The following YY1AP1 variants were observed in gnomAD, a reference collection of about 807,000 sequenced individuals.
YY1AP1 encodes YY1 associated protein 1, also known as YY1-associated protein 1.
Under a neutral mutation model 39.9 loss-of-function variants are expected in YY1AP1, and 43 were observed. That is an observed-to-expected ratio of 1.08 (90% CI 0.84 to 1.39). YY1AP1 has a LOEUF of 1.39. Ranked by LOEUF, YY1AP1 falls within the 40% of genes most tolerant of loss-of-function variation. The probability of loss-of-function intolerance (pLI) is 0.00; values close to 1 mark genes in which losing one functional copy is unlikely to be tolerated. For synonymous variants in YY1AP1, 292 were observed against 331.3 expected (o/e 0.88, Z 1.29); for missense variants, 813 against 900.7 (o/e 0.90, Z 1.25).
intron 5 of YY1AP1, 138 bp downstream of exon 5, chr1:155,676,410 G>C (rs904563934): frequency 9.8e-7 from 1 of 1,015,822 alleles, no homozygotes; most frequent in Non-Finnish European, 1.5e-6. Flanking sequence ...CCTAACTGAT[G>C]TGAAGATACT....
intron 2 of YY1AP1, among the ~76,000 whole-genome samples, chr1:155,682,872 G>A (rs1651718633): frequency 6.6e-6 from 1 of 151,594 alleles, no homozygotes; most frequent in Admixed American, 6.6e-5. Flanking sequence ...GATCACCTGA[G>A]GTCAGGAGTT....
intron 9 of YY1AP1, among the ~76,000 whole-genome samples, chr1:155,667,302 A>C (rs935711272): frequency 5.3e-5 from 8 of 152,076 alleles, no homozygotes; most frequent in African/African-American, 1.9e-4. Flanking sequence ...TCAGGACTTC[A>C]AGACCAGCCT....
At chr1:155,661,504 T>C in intron 9 of YY1AP1, 81 bp from the exon 10 acceptor site, 1 of 1,531,890 alleles carries the variant, frequency 6.5e-7, no homozygotes, top group East Asian at 2.3e-5. Flanking sequence ...GGGGTGGTGG[T>C]GGATCAAGAG....
At chr1:155,688,352 G>C in intron 1 of YY1AP1, 151 bp from the exon 2 acceptor site, 7 of 1,548,374 alleles carry the variant, frequency 4.5e-6, no homozygotes, top group Non-Finnish European at 6.1e-6. Context: ...GAGTGGCCGC[G>C]GCAGCTCCTC....
Position 155,672,608 on chromosome 1 carries a change from T to A in YY1AP1, c.535A>T (p.Thr179Ser), listed in dbSNP as rs1398347485. The part of the protein sequence containing the change: ...GAMQLIEDFS[T>S]HVSIDCSPHK... Reference sequence around the variant, plus strand: ...GGGCTGCAGTCAATGCTGACATGTGTGCTGAAGTCTTCAATCAGCTGCATA... The same window carrying A: ...GGGCTGCAGTCAATGCTGACATGTGAGCTGAAGTCTTCAATCAGCTGCATA... The change falls in exon 7 of 11, where the codon ACA becomes TCA. Residue 179 changes from threonine to serine, a missense_variant. Coordinates refer to ENST00000355499, the MANE Select transcript of YY1AP1 (RefSeq NM_139119.3). The A allele has an allele frequency of 6.2e-7, 1 of 1,613,164 alleles. No individual in the cohort carries two copies. The highest frequency in any genetic ancestry group is 8.5e-7 in the Non-Finnish European group (1 of 1,179,304).
upstream of YY1AP1, chr1:155,688,961 T>TCGC (rs1388704331): frequency 1.9e-6 from 3 of 1,610,780 alleles, no homozygotes; most frequent in Non-Finnish European, 2.5e-6. Flanking sequence ...GCGCTGCGGC[T>TCGC]CGCCTCCTCC....
chr1:155,675,041 T>G lies in YY1AP1; in HGVS notation c.380A>C (p.Asn127Thr). 2 of 1,613,666 alleles carry G rather than the reference T, an allele frequency of 1.2e-6. No homozygotes were observed. The highest frequency in any genetic ancestry group is 1.7e-6 in the Non-Finnish European group (2 of 1,179,742). ...TATCCTGGTGCTACTGGCCTCCGGA[T>G]TGAGATTGGGGTTGCAGGTGGCAAG... ...HLLATCNPNL[N>T]PEASSTRICL... is the part of the protein sequence containing the mutation. The change falls in exon 6 of 11, where the codon AAT (asparagine) becomes ACT (threonine). Residue 127 changes from asparagine to threonine, a missense_variant. Asn to Thr is a moderately conservative substitution (Grantham distance 65). Transcript: ENST00000355499.
rs1319033806 is a variant in YY1AP1 at position 155,680,529 on chromosome 1, T to C, written c.-20-73A>G. On this transcript the variant is annotated intron_variant, in intron 2 of 10. Transcript: ENST00000355499. ...ATATGGAGGAATTCCATGTAGACAA[T>C]GTATGATGTTTTCAACAAGGCATCT... 1.1e-5 allele frequency: 14 copies of C among 1,315,528 alleles called. No homozygotes were observed. In the South Asian group the frequency reaches 1.2e-4, roughly 11 times the overall value. The allele number at this position is 1,315,528 out of a possible 1,614,324, so 81.5% of individuals were successfully genotyped here.
intron 2 of YY1AP1, among the ~76,000 whole-genome samples, chr1:155,683,654 TCAAAAAAAACAAAACAAAA>T (rs1384988919): frequency 6.6e-6 from 1 of 151,412 alleles, no homozygotes; most frequent in African/African-American, 2.4e-5. Flanking sequence ...AGACTCCATC[TCAAAAAAAACAAAACAAAA>T]CAAAAAAAAC....
At chr1:155,683,383 T>A (rs1434446089) in intron 2 of YY1AP1, among the ~76,000 whole-genome samples, 1 of 152,084 alleles carries the variant, frequency 6.6e-6, no homozygotes, top group African/African-American at 2.4e-5. Context: ...GCGTGGTGGC[T>A]CACACCTGTA....
At chr1:155,688,885 G>T, upstream of YY1AP1, 1 of 1,611,440 alleles carries the variant, frequency 6.2e-7, no homozygotes, top group South Asian at 1.1e-5. Context: ...CTTGCCGTTT[G>T]ACTGGAATTG....
At chr1:155,672,215 CCTGA>C (rs894915039) in intron 7 of YY1AP1, 2 of 356,370 alleles carry the variant, frequency 5.6e-6, no homozygotes, top group Non-Finnish European at 5.3e-6. Context: ...AACTTTACCA[CCTGA>C]CTTTCATCTT....
Position 155,660,792 on chromosome 1 carries a change from T to C in YY1AP1, c.1118A>G (p.Glu373Gly). 6.2e-7 allele frequency: 1 copy of C among 1,614,224 alleles called. No homozygotes were observed. Among genetic ancestry groups the C allele is most frequent in the Middle Eastern group, 1.6e-4 (1 of 6,062 alleles). ...TGGGTACCGAGTTTCACTCCCCAAC[T>C]CTGAGTTGTCTTTTTCTAGGCCTTG... is the stretch of plus-strand genomic sequence containing the variant. ...SDQGLEKDNS[E>G]LGSETRYPLL... The change falls in exon 11 of 11, where the codon GAG (glutamate) becomes GGG (glycine). Residue 373 changes from glutamate to glycine, a missense_variant. Glu to Gly is a moderately conservative substitution (Grantham distance 98). Transcript: ENST00000355499.
intron 2 of YY1AP1, among the ~76,000 whole-genome samples, chr1:155,682,947 G>A (rs539553708): frequency 1.1e-4 from 16 of 152,028 alleles, no homozygotes; most frequent in African/African-American, 3.6e-4. Flanking sequence ...TTAGCCTAGC[G>A]TGGTGGCTAA....
At chr1:155,669,877 G>C (rs1441814002) in intron 8 of YY1AP1, among the ~76,000 whole-genome samples, 1 of 152,110 alleles carries the variant, frequency 6.6e-6, no homozygotes, top group African/African-American at 2.4e-5. Flanking sequence ...AAAAAAATCA[G>C]CCATGTATGG....
chr1:155,671,656 G>C (rs1649881531), intron 7 of YY1AP1, among the ~76,000 whole-genome samples: 1 of 151,922 alleles, frequency 6.6e-6, no homozygotes, highest in East Asian at 1.9e-4. Flanking sequence ...TGCATTTCTA[G>C]AGACAAAACT....
intron 8 of YY1AP1, among the ~76,000 whole-genome samples, 179 bp downstream of exon 8, chr1:155,670,141 C>T (rs933182271): frequency 6.6e-6 from 1 of 152,126 alleles, no homozygotes; most frequent in Non-Finnish European, 1.5e-5. Flanking sequence ...TGTGTAACAT[C>T]CCCCCAAAAA....
At chr1:155,679,664 T>A in intron 3 of YY1AP1, 152 bp from the exon 4 acceptor site, 1 of 1,517,198 alleles carries the variant, frequency 6.6e-7, no homozygotes, top group Non-Finnish European at 8.8e-7. Context: ...ACTTCAGGAC[T>A]CCTACAAACC....
chr1:155,686,289 C>T (rs1371852672), intron 2 of YY1AP1, among the ~76,000 whole-genome samples: 1 of 152,012 alleles, frequency 6.6e-6, no homozygotes, highest in Non-Finnish European at 1.5e-5. Context: ...ATCTCCTGAC[C>T]TCGTGATCCG....
Sources: gnomAD v4.1 joint callset for allele counts (sites outside exome capture counted in the v4.1 genomes callset) on GRCh38, gnomAD v4.1.1 for gene constraint, MANE v1.5 for transcripts, NCBI Gene and HGNC (gene_info 2026-07-23, HGNC 2026-07-21) for gene names.